APOC1: variants seen among roughly 807,000 people sequenced by gnomAD.
The protein encoded by APOC1 is apolipoprotein C-I.
APOC1 carries 4 observed loss-of-function variants against 6.7 expected under a neutral mutation model. The observed-to-expected ratio is 0.60, with a 90% CI of 0.29 to 1.37. APOC1 has a LOEUF of 1.37. Among genes scored for constraint, APOC1 ranks in the 40% most tolerant of loss-of-function variants. The pLI is 0.09. For missense variants in APOC1, 122 were observed against 99.4 expected (o/e 1.23, Z -0.97); for synonymous variants, 33 against 40.6 (o/e 0.81, Z 0.72).
At chr19:44,915,075 A>G in intron 2 of APOC1, 126 bp downstream of exon 2, 1 of 1,041,138 alleles carries the variant, frequency 9.6e-7, no homozygotes, top group Non-Finnish European at 1.4e-6. Flanking sequence ...TGGTTGCCTC[A>G]TCGTGGTCGG....
intron 2 of APOC1, among the ~76,000 whole-genome samples, chr19:44,915,525 C>A (rs533862500): frequency 6.6e-6 from 1 of 150,818 alleles, no homozygotes; most frequent in Non-Finnish European, 1.5e-5. Flanking sequence ...GTCTCGATCT[C>A]CTGACTTTGT....
At chr19:44,915,121 G>A in intron 2 of APOC1, 172 bp downstream of exon 2, 1 of 673,284 alleles carries the variant, frequency 1.5e-6, no homozygotes, top group South Asian at 1.8e-5. Flanking sequence ...CAGTCCCGCA[G>A]GCGCCAAATC....
chr19:44,917,230 T>C (rs1011080830), intron 3 of APOC1, among the ~76,000 whole-genome samples: 2 of 152,052 alleles, frequency 1.3e-5, no homozygotes, highest in Non-Finnish European at 2.9e-5. Context: ...AGTTAGAGAG[T>C]CATTCGTTCT....
At position 44,919,242 on chromosome 19, in the gene APOC1, G is replaced by A; in HGVS notation, c.*12G>A. On this transcript the variant is annotated 3_prime_UTR_variant, in exon 4 of 4. Coordinates refer to ENST00000592535, the MANE Select transcript of APOC1 (RefSeq NM_001645.5). The stretch of plus-strand genomic sequence containing the variant: ...AGATTGACTCATGAGGACCTGAAGG[G>A]TGACATCCCAGGAGGGGCCTCTGAA... 1.2e-6 allele frequency: 2 copies of A among 1,613,544 alleles called. No homozygotes were observed. Among genetic ancestry groups the A allele is most frequent in the South Asian group, 2.2e-5 (2 of 91,072 alleles).
At chr19:44,916,378 C>A (rs749929616) in intron 3 of APOC1, 53 bp downstream of exon 3, 16 of 1,605,958 alleles carry the variant, frequency 1.0e-5, no homozygotes, top group Non-Finnish European at 1.3e-5. Flanking sequence ...TTGGGTGGAG[C>A]CCTGGCAGAT....
At chr19:44,916,563 A>G (rs541149168) in intron 3 of APOC1, 3 of 575,036 alleles carry the variant, frequency 5.2e-6, no homozygotes, top group Admixed American at 7.4e-5. Context: ...CATGCTTGCA[A>G]TCCCAGCACT....
At chr19:44,916,405 A>C (rs755416745) in intron 3 of APOC1, 80 bp downstream of exon 3, 4 of 1,561,712 alleles carry the variant, frequency 2.6e-6, no homozygotes, top group Non-Finnish European at 2.6e-6. Flanking sequence ...AGATGAACAG[A>C]TTGAAAAAAA....
intron 3 of APOC1, 25 bp downstream of exon 3, chr19:44,916,350 G>A (rs374874756): frequency 7.3e-5 from 117 of 1,611,592 alleles, no homozygotes; most frequent in Non-Finnish European, 9.9e-5. Context: ...CAGGGCACGG[G>A]AGAGCTGGGG....
intron 2 of APOC1, chr19:44,915,202 A>T: frequency 3.6e-6 from 2 of 548,490 alleles, no homozygotes; most frequent in Non-Finnish European, 6.6e-6. Context: ...TCCTGCTTCG[A>T]CAGCCTTGAA....
chr19:44,916,672 T>C (rs1160024366), intron 3 of APOC1, among the ~76,000 whole-genome samples: 1 of 149,928 alleles, frequency 6.7e-6, no homozygotes, highest in Non-Finnish European at 1.5e-5. Context: ...ACAAAAAAAT[T>C]AGGCAGGCAT....
rs778438750 is a variant in APOC1, at chr19:44,916,243, A to G, written c.112A>G (p.Lys38Glu). The change falls in exon 3 of 4, where the codon AAG becomes GAG. Residue 38 changes from lysine to glutamate, a missense_variant. Coordinates refer to ENST00000592535, the MANE Select transcript of APOC1 (RefSeq NM_001645.5). ...PDVSSALDKL[K>E]EFGNTLEDKA... is the part of the protein sequence containing the mutation. ...CGTCTCCAGTGCCTTGGATAAGCTG[A>G]AGGAGTTTGGAAACACACTGGAGGA... 2.5e-6 allele frequency: 4 copies of G among 1,613,544 alleles called. No individual in the cohort carries two copies. Among genetic ancestry groups the G allele is most frequent in the Non-Finnish European group, 2.5e-6 (3 of 1,179,888 alleles).
upstream of APOC1, chr19:44,914,576 G>A: frequency 2.5e-6 from 1 of 393,176 alleles, no homozygotes; most frequent in Non-Finnish European, 4.8e-6. Flanking sequence ...GACAGGGGCA[G>A]AGGAGAAAAA....
intron 3 of APOC1, chr19:44,918,830 T>C (rs1052962049): frequency 1.5e-5 from 4 of 266,732 alleles, no homozygotes; most frequent in African/African-American, 8.9e-5. Context: ...TGGTATTTTT[T>C]GTATTTTTAG....
intron 3 of APOC1, among the ~76,000 whole-genome samples, chr19:44,917,432 G>T (rs1297337022): frequency 6.6e-6 from 1 of 151,730 alleles, no homozygotes; most frequent in Non-Finnish European, 1.5e-5. Context: ...AAAAAAATTA[G>T]CTGGGCATGG....
chr19:44,916,154 A>AAAAAAAAAAC (rs1970002114), intron 2 of APOC1, 36 bp from the exon 3 acceptor site: 3 of 1,525,740 alleles, frequency 2.0e-6, no homozygotes, highest in African/African-American at 2.9e-5. Flanking sequence ...AAAAAAAAAA[A>AAAAAAAAAAC]AACAAATTTT....
At chr19:44,917,876 A>G (rs1970036046) in intron 3 of APOC1, among the ~76,000 whole-genome samples, 1 of 152,010 alleles carries the variant, frequency 6.6e-6, no homozygotes, top group Non-Finnish European at 1.5e-5. Flanking sequence ...CGGGAGCCTG[A>G]GGCAGGAGAA....
chr19:44,917,021 A>G (rs527446270), intron 3 of APOC1, among the ~76,000 whole-genome samples: 18 of 151,710 alleles, frequency 1.2e-4, no homozygotes, highest in African/African-American at 3.4e-4. Context: ...GAAGGCCCCA[A>G]GCTTGGCCAG....
At chr19:44,914,787 A>G (rs986304967) in intron 1 of APOC1, 54 bp downstream of exon 1, 15 of 1,216,674 alleles carry the variant, frequency 1.2e-5, no homozygotes, top group Non-Finnish European at 1.8e-5. Context: ...AAGAAACTCA[A>G]AAAGGGAGAT....
At chr19:44,916,837 A>G (rs149642790) in intron 3 of APOC1, among the ~76,000 whole-genome samples, 7 of 140,200 alleles carry the variant, frequency 5.0e-5, no homozygotes, top group African/African-American at 1.8e-4. Context: ...AAAAAAAAAC[A>G]AGATGGTCTT....
Sources: allele counts gnomAD v4.1 joint callset (sites outside exome capture counted in the v4.1 genomes callset), GRCh38; gene constraint gnomAD v4.1.1; transcripts MANE v1.5; gene names NCBI Gene and HGNC (gene_info 2026-07-23, HGNC 2026-07-21).